KIAA1217: variants seen among roughly 807,000 people sequenced by gnomAD.
KIAA1217 encodes KIAA1217.
A neutral mutation model predicts 163.9 loss-of-function variants in KIAA1217; 88 were observed. The observed-to-expected ratio is 0.54, with a 90% CI of 0.45 to 0.64. The LOEUF (loss-of-function observed/expected upper bound fraction) is 0.64, where lower values mean the gene tolerates loss of function less well. Among genes scored for constraint, KIAA1217 ranks in the 30% least tolerant of loss-of-function variants. KIAA1217 has a pLI of 0.00. For synonymous variants in KIAA1217, 903 were observed against 923.1 expected (o/e 0.98, Z 0.39); for missense variants, 2,372 against 2,475.0 (o/e 0.96, Z 0.88).
chr10:24,266,117 C>G (rs1202715266), intron 2 of KIAA1217, among the ~76,000 whole-genome samples: 1 of 149,432 alleles, frequency 6.7e-6, no homozygotes, highest in South Asian at 2.1e-4. Context: ...CTCACCCTGT[C>G]GCCCAGGTTG....
chr10:24,175,382 G>A (rs2065828552), intron 2 of KIAA1217, among the ~76,000 whole-genome samples: 1 of 152,028 alleles, frequency 6.6e-6, no homozygotes, highest in African/African-American at 2.4e-5. Flanking sequence ...CATCCAGGTA[G>A]CTGTGAATGC....
intron 2 of KIAA1217, among the ~76,000 whole-genome samples, chr10:24,067,246 G>T (rs1418270342): frequency 6.6e-6 from 1 of 152,080 alleles, no homozygotes; most frequent in African/African-American, 2.4e-5. Context: ...CCGTTTTTCT[G>T]CTCTGTTTTT....
intron 1 of KIAA1217, among the ~76,000 whole-genome samples, chr10:23,862,727 G>C (rs941042785): frequency 1.3e-5 from 2 of 152,026 alleles, no homozygotes; most frequent in African/African-American, 4.8e-5. Flanking sequence ...TAGGCAGGGG[G>C]CAGATCACAG....
intron 2 of KIAA1217, among the ~76,000 whole-genome samples, chr10:24,228,167 T>C (rs984510308): frequency 6.6e-6 from 1 of 151,700 alleles, no homozygotes; most frequent in African/African-American, 2.4e-5. Flanking sequence ...GGGGCTGAGG[T>C]GGGAGGATCA....
chr10:24,490,752 C>G (rs542053661), intron 6 of KIAA1217, among the ~76,000 whole-genome samples: 21 of 152,166 alleles, frequency 1.4e-4, no homozygotes, highest in Non-Finnish European at 3.1e-4. Flanking sequence ...ATGGCTTCCC[C>G]TCTACTGTCA....
intron 2 of KIAA1217, among the ~76,000 whole-genome samples, chr10:24,284,102 G>A (rs1246095934): frequency 6.6e-6 from 1 of 151,998 alleles, no homozygotes; most frequent in African/African-American, 2.4e-5. Context: ...TAGAGACAGG[G>A]TTTCAGCATG....
intron 2 of KIAA1217, among the ~76,000 whole-genome samples, chr10:24,060,145 T>C (rs181735537): frequency 3.4e-4 from 51 of 151,712 alleles, no homozygotes; most frequent in South Asian, 8.3e-4. Flanking sequence ...CTTAATCTCA[T>C]TGATTTTTTT....
intron 2 of KIAA1217, among the ~76,000 whole-genome samples, chr10:24,350,829 GA>G (rs11438441): frequency 3.3e-4 from 47 of 144,474 alleles, no homozygotes; most frequent in Middle Eastern, 3.6e-3. Context: ...GTGAGTGAGA[GA>G]AAAAAAAAAA....
At chr10:23,771,251 C>A (rs888527481) in intron 1 of KIAA1217, among the ~76,000 whole-genome samples, 1 of 152,138 alleles carries the variant, frequency 6.6e-6, no homozygotes, top group East Asian at 1.9e-4. Context: ...AATATTAGAA[C>A]CTACTTGTTT....
At chr10:23,789,347 T>C (rs1835635170) in intron 1 of KIAA1217, among the ~76,000 whole-genome samples, 1 of 152,160 alleles carries the variant, frequency 6.6e-6, no homozygotes, top group South Asian at 2.1e-4. Flanking sequence ...AAACCTGCCA[T>C]TTGTAAGCAT....
At chr10:23,831,820 T>A (rs566661954) in intron 1 of KIAA1217, among the ~76,000 whole-genome samples, 1 of 152,324 alleles carries the variant, frequency 6.6e-6, no homozygotes, top group South Asian at 2.1e-4. Flanking sequence ...ATATGAAAGA[T>A]GTGGAATTTA....
intron 1 of KIAA1217, among the ~76,000 whole-genome samples, chr10:23,995,509 C>T (rs537494145): frequency 1.6e-4 from 24 of 149,944 alleles, no homozygotes; most frequent in African/African-American, 5.0e-4. Flanking sequence ...CTATATATAA[C>T]GAAATTAGGG....
chr10:24,121,414 C>T (rs1003571910), intron 2 of KIAA1217, among the ~76,000 whole-genome samples: 3 of 152,134 alleles, frequency 2.0e-5, no homozygotes, highest in African/African-American at 7.2e-5. Context: ...GCCCTTGTAG[C>T]TTAAAGCATG....
chr10:24,474,961 G>A (rs867438317), intron 6 of KIAA1217, among the ~76,000 whole-genome samples: 8 of 152,374 alleles, frequency 5.3e-5, no homozygotes, highest in African/African-American at 1.4e-4. Context: ...GCTTACGCCT[G>A]TAATCCCAGC....
At chr10:24,202,167 T>G (rs2067297648) in intron 2 of KIAA1217, among the ~76,000 whole-genome samples, 2 of 152,234 alleles carry the variant, frequency 1.3e-5, no homozygotes, top group Admixed American at 1.3e-4. Flanking sequence ...CCTATGGCCA[T>G]CACTCAACCG....
Position 24,495,167 on chromosome 10 carries a change from C to A in KIAA1217, c.1805C>A (p.Thr602Lys). Residue 602 changes from threonine to lysine, a missense_variant, in exon 8 of 21, where the codon ACA becomes AAA. By Grantham distance (78) the Thr-to-Lys change is moderately conservative. This residue lies in a region of KIAA1217 where 1,431 missense variants were observed against 1,470.3 expected (regional missense o/e 0.97). Coordinates refer to ENST00000376454, the MANE Select transcript of KIAA1217 (RefSeq NM_019590.5). ...TTCAGCGAGAAAATGATGAAAACCA[C>A]AGCCAACAGGAACCACACAGATAGT... is the stretch of plus-strand genomic sequence containing the variant. ...DASSEKMMKT[T>K]ANRNHTDSAG... 6.2e-7 allele frequency: 1 copy of A among 1,612,844 alleles called. No homozygotes were observed. Among genetic ancestry groups the A allele is most frequent in the Non-Finnish European group, 8.5e-7 (1 of 1,179,736 alleles).
chr10:24,122,147 TTCC>T (rs2063305716), intron 2 of KIAA1217, among the ~76,000 whole-genome samples: 1 of 151,646 alleles, frequency 6.6e-6, no homozygotes, highest in Non-Finnish European at 1.5e-5. Context: ...TTTTCAGCCC[TTCC>T]CCCCACCCTT....
At chr10:24,501,282 C>A in intron 8 of KIAA1217, 97 bp from the exon 9 acceptor site, 2 of 1,089,372 alleles carry the variant, frequency 1.8e-6, no homozygotes, top group Non-Finnish European at 2.6e-6. Flanking sequence ...GAGAATTAGG[C>A]CTTTTTAGAA....
At chr10:23,972,213 A>G (rs1845343359) in intron 1 of KIAA1217, among the ~76,000 whole-genome samples, 1 of 152,208 alleles carries the variant, frequency 6.6e-6, no homozygotes, top group Non-Finnish European at 1.5e-5. Flanking sequence ...GCAATTCCTC[A>G]AGGATCGAGA....
Sources: allele counts gnomAD v4.1 joint callset (sites outside exome capture counted in the v4.1 genomes callset), GRCh38; gene constraint gnomAD v4.1.1; regional missense constraint gnomAD v4.1.1; transcripts MANE v1.5; gene names NCBI Gene and HGNC (gene_info 2026-07-23, HGNC 2026-07-21).